Variants in HIPK1 observed in about 807,000 individuals in gnomAD.
The protein encoded by HIPK1 is homeodomain interacting protein kinase 1.
HIPK1 carries 28 observed loss-of-function variants against 117.1 expected under a neutral mutation model. That is an observed-to-expected ratio of 0.24 (90% confidence interval 0.18 to 0.33). The LOEUF (loss-of-function observed/expected upper bound fraction) is 0.33, where lower values mean the gene tolerates loss of function less well. HIPK1 is among the 10% of genes least tolerant of loss of function. HIPK1 has a pLI of 1.00. For synonymous variants in HIPK1, 605 were observed against 562.5 expected, an observed-to-expected ratio of 1.08 and a Z score of -1.07; for missense variants, 1,122 against 1,475.1, an observed-to-expected ratio of 0.76 and a Z score of 3.92.
Position 113,935,111 on chromosome 1 carries a change from G to T in HIPK1, c.-2-5271G>T, listed in dbSNP as rs181092004. ...ATATGTCACAGGGGTTTGGTGTACAGATATTTTGTCGTCCAGGTAATAAGC... is the reference window on the plus strand; with the variant it reads ...ATATGTCACAGGGGTTTGGTGTACATATATTTTGTCGTCCAGGTAATAAGC... On this transcript the variant is annotated intron_variant, in intron 1 of 15. Transcript: ENST00000426820. 2.3e-4 allele frequency among the ~76,000 whole-genome samples: 35 copies of T among 151,554 alleles called. 1 individual carries two copies. The East Asian group carries it at 6.6e-3, about 29-fold the overall frequency.
At chr1:113,935,341 G>A (rs370649222) in intron 1 of HIPK1, among the ~76,000 whole-genome samples, 2 of 152,284 alleles carry the variant, frequency 1.3e-5, no homozygotes, top group South Asian at 2.1e-4. Context: ...CATGTTGCCT[G>A]TTGCTGCAAA....
At chr1:113,967,483 T>C (rs1672530000) in intron 11 of HIPK1, among the ~76,000 whole-genome samples, 1 of 152,226 alleles carries the variant, frequency 6.6e-6, no homozygotes, top group African/African-American at 2.4e-5. Context: ...TCAGAGATGT[T>C]GAGCACCTTT....
chr1:113,943,362 A>C (rs1272925192), intron 2 of HIPK1, among the ~76,000 whole-genome samples: 2 of 152,212 alleles, frequency 1.3e-5, no homozygotes, highest in African/African-American at 4.8e-5. Context: ...TAGATACTGC[A>C]TGTAAGTGGA....
intron 2 of HIPK1, chr1:113,951,349 G>A: frequency 5.5e-6 from 5 of 906,932 alleles, no homozygotes; most frequent in Non-Finnish European, 6.6e-6. Flanking sequence ...CAATTCTGGA[G>A]CCAGATTGCA....
intron 2 of HIPK1, among the ~76,000 whole-genome samples, chr1:113,945,936 A>G (rs1281763316): frequency 6.6e-6 from 1 of 152,190 alleles, no homozygotes; most frequent in Non-Finnish European, 1.5e-5. Context: ...GACTTTGGGT[A>G]GTATTGACAG....
At chr1:113,968,025 TA>T in intron 12 of HIPK1, 77 bp downstream of exon 12, 10 of 1,303,312 alleles carry the variant, frequency 7.7e-6, no homozygotes, top group South Asian at 1.3e-5. Context: ...GAATATTGTA[TA>T]GACATATAAT....
chr1:113,945,952 T>C (rs1448806616), intron 2 of HIPK1, among the ~76,000 whole-genome samples: 1 of 152,206 alleles, frequency 6.6e-6, no homozygotes, highest in Non-Finnish European at 1.5e-5. Context: ...GACAGCTTAA[T>C]AGTAAGTCAG....
In HIPK1 at chr1:113,974,875, T is replaced by C. The variant is rs1240542116; in HGVS notation, c.*1363T>C. 1 of 152,750 alleles carries C rather than the reference T, an allele frequency of 6.5e-6. No homozygotes were observed. Among genetic ancestry groups the C allele is most frequent in the African/African-American group, 2.4e-5 (1 of 41,450 alleles). The allele number at this position is 152,750 out of a possible 1,614,324, so 9.5% of individuals were successfully genotyped here. A position where few individuals can be genotyped will look rare whatever the true frequency, so the allele number is the denominator to read the frequency against. ...AGTGATTACACTTGAATTGTGTACT[T>C]AGTGTGTATGTGATCCTCCAGTGTT... On this transcript the variant is annotated 3_prime_UTR_variant, in exon 16 of 16. Transcript: ENST00000426820.
intron 1 of HIPK1, chr1:113,930,499 A>T (rs1005820938): frequency 6.6e-6 from 1 of 152,128 alleles, no homozygotes; most frequent in African/African-American, 2.4e-5. Flanking sequence ...AGCCCACCTA[A>T]TGTATATCTG....
At position 113,968,759 on chromosome 1, in the gene HIPK1, G is replaced by A. The variant is rs182770781; in HGVS notation, c.2771+111G>A. 74 of 821,468 alleles carry A rather than the reference G, an allele frequency of 9.0e-5. 1 individual carries two copies. The Admixed American group carries it at 1.2e-3, about 14-fold the overall frequency. The allele number at this position is 821,468 out of a possible 1,614,324, so 50.9% of individuals were successfully genotyped here. A position where few individuals can be genotyped will look rare whatever the true frequency, so the allele number is the denominator to read the frequency against. ...GGACCGGTGGGGCATGGTGGCTCAC[G>A]CCTGTAATCCCAGCACTTTGGGAGG... On this transcript the variant is annotated intron_variant, in intron 13 of 15. Transcript: ENST00000426820.
chr1:113,951,919 C>T (rs1225011556), intron 2 of HIPK1, among the ~76,000 whole-genome samples: 1 of 145,410 alleles, frequency 6.9e-6, no homozygotes. Flanking sequence ...GCATTTCTGT[C>T]ATGAAGGGTT....
In HIPK1 at chr1:113,970,069, G is replaced by A. The variant is rs757092646; in HGVS notation, c.2885G>A (p.Arg962Gln). 22 of 1,614,022 alleles carry A rather than the reference G, an allele frequency of 1.4e-5. 1 individual carries two copies. The South Asian group carries it at 1.8e-4, about 13-fold the overall frequency. ...TCCACTGATACCCTGAGTGCTCTCC[G>A]AGGCAATAGTGGATCCGTTTTGGAG... ...PYSTDTLSALRGNSGSVLEGP... is the reference protein window; with the variant it reads ...PYSTDTLSALQGNSGSVLEGP... The change falls in exon 14 of 16, where the codon CGA (arginine) becomes CAA (glutamine). Residue 962 changes from arginine (R) to glutamine (Q), a missense_variant. Physicochemically the swap from Arg to Gln is conservative, Grantham distance 43. Transcript: ENST00000426820.
rs1423745600 is a variant in HIPK1 at position 113,929,352 on chromosome 1, C to T, written c.-183C>T. 7.8e-7 allele frequency: 1 copy of T among 1,289,380 alleles called. No homozygotes were observed. The highest frequency in any genetic ancestry group is 1.0e-6 in the Non-Finnish European group (1 of 988,874). The allele number at this position is 1,289,380 out of a possible 1,614,324, so 79.9% of individuals were successfully genotyped here. On this transcript the variant is annotated 5_prime_UTR_variant, in exon 1 of 16. Coordinates refer to ENST00000426820, the MANE Select transcript of HIPK1 (RefSeq NM_198268.3). ...ATTTTACAGTTGGATCCCGTACCAC[C>T]GCCAGGCACCTTTAAATCACCGCAG...
chr1:113,970,127 C>A lies in HIPK1; in HGVS notation c.2943C>A (p.Gly981=). The change falls in exon 14 of 16, where the codon GGC becomes GGA. Residue 981 remains glycine (G), a synonymous_variant. Transcript: ENST00000426820. ...GCAGAGTTGTGGCAGATGGCACTGG[C>A]ACCCGCACTATCATTGTGCCTCCAC... The part of the protein sequence containing the change: ...GPGRVVADGT[G]TRTIIVPPLK... 1 of 1,614,152 alleles carries A rather than the reference C, an allele frequency of 6.2e-7. No homozygotes were observed. The highest frequency in any genetic ancestry group is 1.1e-5 in the South Asian group (1 of 91,082).
intron 5 of HIPK1, among the ~76,000 whole-genome samples, chr1:113,956,017 A>G (rs939024761): frequency 5.3e-5 from 8 of 151,292 alleles, no homozygotes; most frequent in Admixed American, 4.6e-4. Flanking sequence ...CAACAGTAGA[A>G]GCTTTTATAT....
rs1673039260 is a variant in HIPK1 at position 113,974,493 on chromosome 1, C to T, written c.*981C>T. On this transcript the variant is annotated 3_prime_UTR_variant, in exon 16 of 16. Coordinates refer to ENST00000426820, the MANE Select transcript of HIPK1 (RefSeq NM_198268.3). ...AGATTAGTATGAATTTTCAGTAATA[C>T]ACCTCTGTTTTGCTCATCTCTCCCT... The T allele has an allele frequency of 1.3e-5, 2 of 152,608 alleles. No homozygotes were observed. Among genetic ancestry groups the T allele is most frequent in the Non-Finnish European group, 2.9e-5 (2 of 68,014 alleles). 9.5% of individuals were successfully genotyped at this position (152,608 alleles called of 1,614,324 possible).
At chr1:113,939,022 A>C (rs942865270) in intron 1 of HIPK1, among the ~76,000 whole-genome samples, 27 of 151,536 alleles carry the variant, frequency 1.8e-4, no homozygotes, top group Non-Finnish European at 3.4e-4. Flanking sequence ...GAGAGGAATG[A>C]GCCAGGATAA....
rs928291504 is a variant in HIPK1 at position 113,929,517 on chromosome 1, C to T, written c.-18C>T. 5 of 1,289,076 alleles carry T rather than the reference C, an allele frequency of 3.9e-6. No individual in the cohort carries two copies. Among genetic ancestry groups the T allele is most frequent in the Non-Finnish European group, 5.1e-6 (5 of 988,666 alleles). 79.9% of individuals were successfully genotyped at this position (1,289,076 alleles called of 1,614,324 possible). A position where few individuals can be genotyped will look rare whatever the true frequency, so the allele number is the denominator to read the frequency against. On this transcript the variant is annotated 5_prime_UTR_variant, in exon 1 of 16. Transcript: ENST00000426820. ...CGATCGTCCTAGAGAGTCCATTCAGCTGCACTTCCGCCTCAGTAGGTGTCA... is the reference window on the plus strand; with the variant it reads ...CGATCGTCCTAGAGAGTCCATTCAGTTGCACTTCCGCCTCAGTAGGTGTCA...
At chr1:113,954,859 G>C (rs1258673405) in intron 4 of HIPK1, 89 bp downstream of exon 4, 1 of 1,200,196 alleles carries the variant, frequency 8.3e-7, no homozygotes, top group African/African-American at 1.5e-5. Context: ...AAATTCTTCA[G>C]GTAGAGAAGG....
Sources: allele counts gnomAD v4.1 joint callset (sites outside exome capture counted in the v4.1 genomes callset), GRCh38; gene constraint gnomAD v4.1.1; transcripts MANE v1.5; gene names NCBI Gene and HGNC (gene_info 2026-07-23, HGNC 2026-07-21).